CCDC85C: variants seen among roughly 807,000 people sequenced by gnomAD.
CCDC85C encodes coiled-coil domain containing 85C.
CCDC85C carries 18 observed loss-of-function variants against 38.3 expected under a neutral mutation model. That is an observed-to-expected ratio of 0.47 (90% CI 0.33 to 0.70). The LOEUF (loss-of-function observed/expected upper bound fraction) is 0.70. Ranked by LOEUF, CCDC85C falls within the 30% of genes least tolerant of loss-of-function variation. The pLI, the probability that CCDC85C is intolerant of heterozygous loss-of-function variation, is 0.03. For missense variants in CCDC85C, 566 were observed against 621.2 expected, an observed-to-expected ratio of 0.91 and a Z score of 0.94; for synonymous variants, 264 against 293.8, an observed-to-expected ratio of 0.90 and a Z score of 1.04.
chr14:99,565,866 G>GAGGC (rs962716690), intron 1 of CCDC85C, among the ~76,000 whole-genome samples: 12 of 152,362 alleles, frequency 7.9e-5, no homozygotes, highest in African/African-American at 2.9e-4. Context: ...CCCCAGAGAA[G>GAGGC]AGGCAGGATG....
intron 1 of CCDC85C, among the ~76,000 whole-genome samples, chr14:99,540,903 A>G (rs79713712): frequency 0.015 from 2,240 of 152,266 alleles, 62 homozygotes; most frequent in African/African-American, 0.051. Context: ...GCTCCATCCC[A>G]GATACCCTGC....
intron 1 of CCDC85C, among the ~76,000 whole-genome samples, chr14:99,584,017 C>A (rs760601908): frequency 6.6e-6 from 1 of 151,900 alleles, no homozygotes; most frequent in Non-Finnish European, 1.5e-5. Flanking sequence ...GGGAAGCTGG[C>A]GGAAGGGTAT....
At chr14:99,570,050 G>A (rs7147513) in intron 1 of CCDC85C, among the ~76,000 whole-genome samples, 84,216 of 151,724 alleles carry the variant, frequency 0.56, 23,375 homozygotes, top group South Asian at 0.6. Flanking sequence ...GGGACAGGGA[G>A]GACTCCAGGA....
chr14:99,581,993 G>T (rs1001176709), intron 1 of CCDC85C, among the ~76,000 whole-genome samples: 2 of 152,166 alleles, frequency 1.3e-5, no homozygotes, highest in African/African-American at 4.8e-5. Flanking sequence ...CGTTTCCCCA[G>T]GGGGAAACCG....
At chr14:99,546,454 C>T (rs764069908) in intron 1 of CCDC85C, among the ~76,000 whole-genome samples, 24 of 151,988 alleles carry the variant, frequency 1.6e-4, no homozygotes, top group Non-Finnish European at 3.2e-4. Context: ...ACTTGATCTG[C>T]GGTGAGAGCA....
chr14:99,536,055 C>T lies in CCDC85C; in HGVS notation c.827G>A (p.Ser276Asn). ...GTCACCCTCCAGCAGCCTCACTTTG[C>T]TCTCCAGTTGCCTGATGTAGGTGGA... ...PSSTYIRQLESKVRLLEGDKL... is the reference protein window; with the variant it reads ...PSSTYIRQLENKVRLLEGDKL... Residue 276 changes from serine (S) to asparagine (N), a missense_variant, in exon 2 of 6, where the codon AGC (serine) becomes AAC (asparagine). Around this residue, in one of 3 missense-constraint regions of CCDC85C, gnomAD observed 286 missense variants for 276.4 expected, o/e 1.03. Coordinates refer to ENST00000380243, the MANE Select transcript of CCDC85C (RefSeq NM_001144995.2). The T allele has an allele frequency of 6.4e-7, 1 of 1,551,602 alleles. No individual in the cohort carries two copies. The highest frequency in any genetic ancestry group is 8.7e-7 in the Non-Finnish European group (1 of 1,146,944).
At position 99,511,704 on chromosome 14, in the gene CCDC85C, GC is replaced by G. The variant is rs1420154012; in HGVS notation, c.*3541del. On this transcript the variant is annotated 3_prime_UTR_variant, in exon 6 of 6. Coordinates refer to ENST00000380243, the MANE Select transcript of CCDC85C (RefSeq NM_001144995.2). Reference sequence around the variant, plus strand: ...GTGGATCCGCACAGCTGCCTGCCAAGCCAGCCTGCCCCCATCCTGTGCCTGC... The same window carrying G: ...GTGGATCCGCACAGCTGCCTGCCAAGCAGCCTGCCCCCATCCTGTGCCTGC... 1.3e-5 allele frequency: 2 copies of G among 152,646 alleles called. No individual in the cohort carries two copies. The highest frequency in any genetic ancestry group is 1.3e-4 in the Admixed American group (2 of 15,284). 9.5% of individuals were successfully genotyped at this position (152,646 alleles called of 1,614,324 possible).
At chr14:99,584,421 G>A (rs1156346370) in intron 1 of CCDC85C, among the ~76,000 whole-genome samples, 1 of 152,134 alleles carries the variant, frequency 6.6e-6, no homozygotes, top group Non-Finnish European at 1.5e-5. Context: ...CATCCAGGCA[G>A]GGTGCTTATC....
At position 99,552,132 on chromosome 14, in the gene CCDC85C, G is replaced by A. The variant is rs569043466; in HGVS notation, c.794-16044C>T. On this transcript the variant is annotated intron_variant, in intron 1 of 5. Transcript: ENST00000380243. ...AGGCTCAGGAAGGAGTGGAGGAGGC[G>A]AAGCTCCTCCCAGGCCCGGCTAGCC... 3.9e-5 allele frequency among the ~76,000 whole-genome samples: 6 copies of A among 152,306 alleles called. No homozygotes were observed. The East Asian group carries it at 5.8e-4, about 15-fold the overall frequency.
chr14:99,537,199 C>T (rs1398681386), intron 1 of CCDC85C, among the ~76,000 whole-genome samples: 4 of 152,182 alleles, frequency 2.6e-5, no homozygotes, highest in African/African-American at 4.8e-5. Flanking sequence ...ACCGGCCCAC[C>T]CGACAACAGG....
rs185656298 is a variant in CCDC85C, at chr14:99,553,310, C to T, written c.794-17222G>A. 1.6e-3 allele frequency among the ~76,000 whole-genome samples: 236 copies of T among 152,232 alleles called. 1 individual carries two copies. The highest frequency in any genetic ancestry group is 5.5e-3 in the African/African-American group (229 of 41,548). The stretch of plus-strand genomic sequence containing the variant: ...GGCCCTTCAAAAGTCTTCACAAGCA[C>T]AAACTCCGGGTTCAAATCTCACACG... On this transcript the variant is annotated intron_variant, in intron 1 of 5. Transcript: ENST00000380243.
In CCDC85C at chr14:99,522,159, G is replaced by A. The variant is rs529141431; in HGVS notation, c.949C>T (p.Pro317Ser). 3.2e-6 allele frequency: 5 copies of A among 1,551,136 alleles called. No homozygotes were observed. In the African/African-American group the frequency reaches 4.1e-5, roughly 13 times the overall value. The change falls in exon 3 of 6, where the codon CCC becomes TCC. Residue 317 changes from proline (P) to serine (S), a missense_variant. By Grantham distance (74) the Pro-to-Ser change is moderately conservative (BLOSUM62 -1). Transcript: ENST00000380243. ...HSESQLASLPPSYQDSLQNGP... is the reference protein window; with the variant it reads ...HSESQLASLPSSYQDSLQNGP... ...TTCTGCAGGGAGTCCTGGTAGGAGG[G>A]CGGCAGGGACGCAAGCTGGGACTCC...
Position 99,510,851 on chromosome 14 carries a change from G to C in CCDC85C, c.*4395C>G, listed in dbSNP as rs993662247. 6.2e-6 allele frequency: 8 copies of C among 1,297,528 alleles called. No homozygotes were observed. The African/African-American group carries it at 1.1e-4, about 17-fold the overall frequency. The allele number at this position is 1,297,528 out of a possible 1,614,324, so 80.4% of individuals were successfully genotyped here. ...AATCGACTTGCAGAGTAGTTGAAGT[G>C]GGTAAGCAGCAGGGTACCTTGTATA... On this transcript the variant is annotated 3_prime_UTR_variant, in exon 6 of 6. Transcript: ENST00000380243.
At chr14:99,584,330 C>T (rs1188763625) in intron 1 of CCDC85C, among the ~76,000 whole-genome samples, 1 of 152,156 alleles carries the variant, frequency 6.6e-6, no homozygotes, top group African/African-American at 2.4e-5. Flanking sequence ...CCTCCACCAG[C>T]GATAAATCAC....
chr14:99,598,672 G>T (rs1284566273), intron 1 of CCDC85C, among the ~76,000 whole-genome samples: 2 of 152,178 alleles, frequency 1.3e-5, no homozygotes, highest in Admixed American at 6.5e-5. Context: ...CAGGGCCATG[G>T]GCTCAGAATT....
At chr14:99,577,104 C>G (rs1898494326) in intron 1 of CCDC85C, among the ~76,000 whole-genome samples, 1 of 151,930 alleles carries the variant, frequency 6.6e-6, no homozygotes, top group South Asian at 2.1e-4. Flanking sequence ...GTTCCAAACC[C>G]CAGAAAACAA....
chr14:99,598,091 G>A (rs563820170), intron 1 of CCDC85C, among the ~76,000 whole-genome samples: 12 of 152,316 alleles, frequency 7.9e-5, no homozygotes, highest in East Asian at 3.9e-4. Context: ...CTCGGCATGC[G>A]GGGTGCCGAG....
intron 1 of CCDC85C, among the ~76,000 whole-genome samples, chr14:99,543,126 G>A (rs780060223): frequency 1.3e-5 from 2 of 152,162 alleles, no homozygotes; most frequent in African/African-American, 4.8e-5. Flanking sequence ...CCCATCATAG[G>A]GGGAGAGAAA....
intron 3 of CCDC85C, 65 bp downstream of exon 3, chr14:99,522,068 A>G: frequency 7.7e-7 from 1 of 1,306,364 alleles, no homozygotes; most frequent in Non-Finnish European, 1.1e-6. Context: ...CGGGCAGGTC[A>G]CTGGCCCGCC....
Sources: allele counts gnomAD v4.1 joint callset (sites outside exome capture counted in the v4.1 genomes callset), GRCh38; gene constraint gnomAD v4.1.1; regional missense constraint gnomAD v4.1.1; transcripts MANE v1.5; gene names NCBI Gene and HGNC (gene_info 2026-07-23, HGNC 2026-07-21).